SND1: variants seen among roughly 807,000 people sequenced by gnomAD.
SND1 encodes the protein staphylococcal nuclease domain-containing protein 1.
In SND1, 38 loss-of-function variants were observed where a neutral mutation model predicts 121.7. The observed-to-expected ratio is 0.31, with a 90% CI of 0.24 to 0.41. SND1 has a LOEUF of 0.41. Among genes scored for constraint, SND1 ranks in the 10% least tolerant of loss-of-function variants. SND1 has a pLI of 1.00. For missense variants in SND1, 868 were observed against 1,184.6 expected (o/e 0.73, Z 3.92); for synonymous variants, 401 against 447.4 (o/e 0.90, Z 1.31).
intron 10 of SND1, among the ~76,000 whole-genome samples, chr7:127,746,975 A>G (rs924336045): frequency 6.6e-6 from 1 of 152,136 alleles, no homozygotes; most frequent in African/African-American, 2.4e-5. Flanking sequence ...TTACTAGCAC[A>G]TTTTGGTTTT....
intron 12 of SND1, among the ~76,000 whole-genome samples, chr7:127,871,074 A>G (rs1377667371): frequency 6.6e-6 from 1 of 152,178 alleles, no homozygotes; most frequent in Non-Finnish European, 1.5e-5. Context: ...CACAGTCAGG[A>G]TAATCCTTAT....
chr7:127,942,632 A>G (rs1291920071), intron 15 of SND1, among the ~76,000 whole-genome samples: 1 of 152,206 alleles, frequency 6.6e-6, no homozygotes, highest in Non-Finnish European at 1.5e-5. Context: ...TCTGTTGCAG[A>G]GTTTCTTCCT....
In SND1 at chr7:128,034,151, C is replaced by T. The variant is rs10270743; in HGVS notation, c.1780-40351C>T. On this transcript the variant is annotated intron_variant, in intron 16 of 23. Transcript: ENST00000354725. ...TGTTTTCATCACTAACAGGAATGCC[C>T]GCTGTGTCTACTCTTCATAGAGTAA... Among the ~76,000 whole-genome samples the T allele has an allele frequency of 1.6e-3, 241 of 152,226 alleles. 2 individuals are homozygous for T. The highest frequency in any genetic ancestry group is 5.6e-3 in the African/African-American group (231 of 41,528).
chr7:128,082,155 C>T (rs761764161), intron 18 of SND1, among the ~76,000 whole-genome samples: 32 of 152,214 alleles, frequency 2.1e-4, no homozygotes, highest in Non-Finnish European at 3.7e-4. Context: ...AGAGCTCTGG[C>T]AGCCGCTAGC....
chr7:127,669,181 C>T (rs1795472303), intron 1 of SND1, among the ~76,000 whole-genome samples: 1 of 152,106 alleles, frequency 6.6e-6, no homozygotes, highest in Admixed American at 6.6e-5. Context: ...TTAGTAGAGA[C>T]GGGGTTTCAC....
chr7:127,776,703 T>C (rs1308741754), intron 10 of SND1, among the ~76,000 whole-genome samples: 2 of 152,194 alleles, frequency 1.3e-5, no homozygotes, highest in Admixed American at 1.3e-4. Context: ...GTGATTCCAG[T>C]TACTGTGTCA....
intron 13 of SND1, among the ~76,000 whole-genome samples, chr7:127,898,671 A>G (rs879693939): frequency 7.2e-5 from 11 of 152,068 alleles, no homozygotes; most frequent in Admixed American, 2.0e-4. Context: ...GTTGGAATTA[A>G]TTTTTCTTCC....
rs1233155587 is a variant in SND1, at chr7:127,970,782, C to A, written c.1670-20165C>A. On this transcript the variant is annotated intron_variant, in intron 15 of 23. Transcript: ENST00000354725. Reference sequence around the variant, plus strand: ...ATGTGATATGTATATTAAATACATACATCTGCAATGCCTTCACCTCAGCTG... The same window carrying A: ...ATGTGATATGTATATTAAATACATAAATCTGCAATGCCTTCACCTCAGCTG... Among the ~76,000 whole-genome samples the A allele has an allele frequency of 2.6e-5, 4 of 152,170 alleles. No individual in the cohort carries two copies. In the East Asian group the frequency reaches 7.7e-4, roughly 29 times the overall value.
chr7:128,087,489 G>A lies in SND1; in HGVS notation c.2418+438G>A, dbSNP rs202035509. ...GTGTTTCTGAAAGTTAGTTCTGATG[G>A]CACAGTGAACAGAGGGACTAGAATG... On this transcript the variant is annotated intron_variant, in intron 21 of 23. Transcript: ENST00000354725. Among the ~76,000 whole-genome samples, 42 of 152,316 alleles carry A rather than the reference G, an allele frequency of 2.8e-4. No homozygotes were observed. In the East Asian group the frequency reaches 5.2e-3, roughly 19 times the overall value.
chr7:127,731,426 C>T (rs1209409047), intron 10 of SND1, among the ~76,000 whole-genome samples: 2 of 152,220 alleles, frequency 1.3e-5, no homozygotes, highest in Non-Finnish European at 2.9e-5. Flanking sequence ...TTAGCTGTTC[C>T]TTTCAACGTA....
intron 1 of SND1, chr7:127,679,317 ATT>A (rs1795668054): frequency 6.6e-6 from 1 of 152,040 alleles, no homozygotes; most frequent in East Asian, 1.9e-4. Context: ...ATTTAAAAAA[ATT>A]TTTTTGTTAA....
intron 3 of SND1, among the ~76,000 whole-genome samples, chr7:127,696,803 A>G (rs1452723007): frequency 1.3e-5 from 2 of 152,216 alleles, no homozygotes; most frequent in African/African-American, 4.8e-5. Context: ...TACAAACTGG[A>G]TATAATTTAA....
chr7:127,862,552 A>G (rs1421626157), intron 12 of SND1, among the ~76,000 whole-genome samples: 1 of 152,244 alleles, frequency 6.6e-6, no homozygotes, highest in Non-Finnish European at 1.5e-5. Context: ...TGTATTACAG[A>G]CATCACTCTC....
In SND1 at chr7:127,721,207, G is replaced by C. The variant is rs1391743727; in HGVS notation, c.1039-80G>C. On this transcript the variant is annotated intron_variant, in intron 9 of 23. Transcript: ENST00000354725. ...TGGCTATTGATCTCACTTTCTACCT[G>C]TGAGGGTGGTGGGCCTTGCTCTTGG... is the stretch of plus-strand genomic sequence containing the variant. 12 of 850,128 alleles carry C rather than the reference G, an allele frequency of 1.4e-5. No individual in the cohort carries two copies. In the African/African-American group the frequency reaches 1.8e-4, roughly 13 times the overall value. 52.7% of individuals were successfully genotyped at this position (850,128 alleles called of 1,614,324 possible). A position where few individuals can be genotyped will look rare whatever the true frequency, so the allele number is the denominator to read the frequency against.
rs1797609459 is a variant in SND1, at chr7:127,775,808, G to A, written c.1153-31676G>A. 2.0e-5 allele frequency among the ~76,000 whole-genome samples: 3 copies of A among 152,138 alleles called. No individual in the cohort carries two copies. The South Asian group carries it at 6.2e-4, about 32-fold the overall frequency. On this transcript the variant is annotated intron_variant, in intron 10 of 23. Transcript: ENST00000354725. ...CAGTATCACCCACCCTCAGTATTCT[G>A]TTATATATAGCAATGCAAAATGGAC...
At chr7:128,014,230 T>C (rs1443104145) in intron 16 of SND1, among the ~76,000 whole-genome samples, 1 of 152,202 alleles carries the variant, frequency 6.6e-6, no homozygotes, top group Non-Finnish European at 1.5e-5. Flanking sequence ...GTCCTGTCTA[T>C]CAGAAACCTG....
chr7:127,911,366 A>C (rs1445668794), intron 14 of SND1, among the ~76,000 whole-genome samples: 1 of 151,960 alleles, frequency 6.6e-6, no homozygotes, highest in Non-Finnish European at 1.5e-5. Context: ...TTATATTTTC[A>C]ATTTAATTTT....
chr7:128,004,102 A>G (rs1028590844), intron 16 of SND1, among the ~76,000 whole-genome samples: 2 of 150,036 alleles, frequency 1.3e-5, no homozygotes, highest in Non-Finnish European at 3.0e-5. Context: ...AGATGGGTAG[A>G]CTGGCTAACT....
At chr7:127,984,623 G>T (rs1802344176) in intron 15 of SND1, among the ~76,000 whole-genome samples, 1 of 152,202 alleles carries the variant, frequency 6.6e-6, no homozygotes, top group African/African-American at 2.4e-5. Context: ...GTGCTACATA[G>T]TATGTTAAGT....
Sources: gnomAD v4.1 joint callset for allele counts (sites outside exome capture counted in the v4.1 genomes callset) on GRCh38, gnomAD v4.1.1 for gene constraint, MANE v1.5 for transcripts, NCBI Gene and HGNC (gene_info 2026-07-23, HGNC 2026-07-21) for gene names.